The following PALLD variants were observed in gnomAD, a reference collection of about 807,000 sequenced individuals.
The protein encoded by PALLD is palladin, cytoskeletal associated protein.
In PALLD, 61 loss-of-function variants were observed where a neutral mutation model predicts 123.5. The ratio of observed to expected loss-of-function variants is 0.49; its 90% CI spans 0.40 to 0.61. The LOEUF is 0.61. PALLD is among the 20% of genes least tolerant of loss of function. The probability of loss-of-function intolerance (pLI) is 0.00; values close to 1 mark genes in which losing one functional copy is unlikely to be tolerated. For missense variants in PALLD, 1,273 were observed against 1,377.0 expected (o/e 0.92, Z 1.20); for synonymous variants, 465 against 496.4 (o/e 0.94, Z 0.84).
chr4:168,705,729 C>T (rs935329919), intron 8 of PALLD, among the ~76,000 whole-genome samples: 20 of 152,216 alleles, frequency 1.3e-4, no homozygotes, highest in African/African-American at 4.1e-4. Flanking sequence ...CTCTGCCTCC[C>T]GGGTTCAAGC....
chr4:168,538,797 T>G (rs1765329383), intron 2 of PALLD, among the ~76,000 whole-genome samples: 1 of 152,210 alleles, frequency 6.6e-6, no homozygotes, highest in Non-Finnish European at 1.5e-5. Context: ...GCTTAAAAGA[T>G]CAGAAAGGCT....
At chr4:168,853,414 C>T (rs551187741) in intron 10 of PALLD, among the ~76,000 whole-genome samples, 2 of 152,228 alleles carry the variant, frequency 1.3e-5, no homozygotes, top group African/African-American at 4.8e-5. Context: ...CCCTCAAGGG[C>T]CTGGGTGCGT....
At chr4:168,803,684 C>CAA (rs5863961) in intron 10 of PALLD, among the ~76,000 whole-genome samples, 22,995 of 137,346 alleles carry the variant, frequency 0.17, 1,970 homozygotes, top group East Asian at 0.22. Flanking sequence ...GACCCTGTCT[C>CAA]AAAAAAAAAA....
At chr4:168,631,499 G>C (rs1280558935) in intron 2 of PALLD, 25 of 540,038 alleles carry the variant, frequency 4.6e-5, no homozygotes, top group Non-Finnish European at 5.4e-5. Flanking sequence ...ATGGAGTGAA[G>C]GGAGTTATTT....
At chr4:168,615,906 G>A (rs560311240) in intron 2 of PALLD, among the ~76,000 whole-genome samples, 1 of 152,296 alleles carries the variant, frequency 6.6e-6, no homozygotes, top group East Asian at 1.9e-4. Context: ...CCTTCAAGTT[G>A]TAGATGAAAG....
Position 168,894,678 on chromosome 4 carries a change from G to A in PALLD, c.2199+1G>A. The A allele has an allele frequency of 6.2e-7, 1 of 1,612,716 alleles. No homozygotes were observed. Among genetic ancestry groups the A allele is most frequent in the Non-Finnish European group, 8.5e-7 (1 of 1,179,124 alleles). The stretch of plus-strand genomic sequence containing the variant: ...GCCAGAAGAGGAAACAGCTAATCAG[G>A]TACCATGTTGCTCTGGACTTCTTAG... On this transcript the variant is annotated splice_donor_variant, in intron 12 of 21. Coordinates refer to ENST00000505667, the MANE Select transcript of PALLD (RefSeq NM_001166108.2). LOFTEE classifies it high-confidence loss of function.
chr4:168,819,944 C>T (rs2150787405), intron 10 of PALLD, among the ~76,000 whole-genome samples: 1 of 152,344 alleles, frequency 6.6e-6, no homozygotes, highest in South Asian at 2.1e-4. Context: ...CCAGAGCCAA[C>T]TCCTTTGTTG....
In PALLD at chr4:168,712,310, A is replaced by G. The variant is rs1038784423; in HGVS notation, c.1964+387A>G. On this transcript the variant is annotated intron_variant, in intron 10 of 21. Transcript: ENST00000505667. The stretch of plus-strand genomic sequence containing the variant: ...GTACTTTGCATTTGTTACTTTAAAT[A>G]TTAAGTATCAGTAAGAAGATCTGAT... 4.1e-5 allele frequency: 12 copies of G among 296,048 alleles called. No individual in the cohort carries two copies. In the East Asian group the frequency reaches 6.1e-4, roughly 15 times the overall value. 18.3% of individuals were successfully genotyped at this position (296,048 alleles called of 1,614,324 possible).
At chr4:168,617,895 C>G (rs1774383785) in intron 2 of PALLD, among the ~76,000 whole-genome samples, 1 of 151,988 alleles carries the variant, frequency 6.6e-6, no homozygotes, top group Admixed American at 6.5e-5. Flanking sequence ...CACCAGCTAC[C>G]CCAGAACCTG....
At chr4:168,737,166 A>G (rs1787841816) in intron 10 of PALLD, among the ~76,000 whole-genome samples, 1 of 152,244 alleles carries the variant, frequency 6.6e-6, no homozygotes, top group African/African-American at 2.4e-5. Context: ...CCTACAAAAC[A>G]AATAGGGCTA....
At chr4:168,571,172 C>A (rs1424064041) in intron 2 of PALLD, among the ~76,000 whole-genome samples, 1 of 152,116 alleles carries the variant, frequency 6.6e-6, no homozygotes, top group Non-Finnish European at 1.5e-5. Flanking sequence ...TTCAGTTCTC[C>A]TTTCTCCCAG....
chr4:168,540,696 A>T (rs371194564), intron 2 of PALLD, among the ~76,000 whole-genome samples: 188 of 152,196 alleles, frequency 1.2e-3, no homozygotes, highest in African/African-American at 4.2e-3. Flanking sequence ...GAAAATGAAA[A>T]CAATTTTTCT....
intron 3 of PALLD, among the ~76,000 whole-genome samples, chr4:168,680,349 G>A (rs987912062): frequency 2.5e-4 from 38 of 151,200 alleles, no homozygotes; most frequent in African/African-American, 7.3e-4. Context: ...TTAGCAGGGC[G>A]AGGTGGCACA....
chr4:168,902,385 T>C (rs539123698), intron 14 of PALLD, among the ~76,000 whole-genome samples: 8 of 152,334 alleles, frequency 5.3e-5, no homozygotes, highest in South Asian at 4.1e-4. Context: ...GATGTAGCTA[T>C]TAATTCAGCA....
At chr4:168,916,158 A>C in intron 17 of PALLD, 131 bp downstream of exon 17, 1 of 902,150 alleles carries the variant, frequency 1.1e-6, no homozygotes, top group East Asian at 2.4e-5. Flanking sequence ...CACACCTATA[A>C]TCCCAGCACT....
chr4:168,898,314 C>A, intron 13 of PALLD, 179 bp from the exon 14 acceptor site: 1 of 640,040 alleles, frequency 1.6e-6, no homozygotes, highest in Non-Finnish European at 2.8e-6. Flanking sequence ...TGAAATACCA[C>A]ATAAACTCAC....
intron 10 of PALLD, among the ~76,000 whole-genome samples, chr4:168,780,121 A>T (rs376551940): frequency 1.3e-5 from 2 of 151,714 alleles, no homozygotes; most frequent in Non-Finnish European, 2.9e-5. Context: ...CTGGTCTCGA[A>T]CTCCTGACCT....
At chr4:168,664,358 G>A (rs1023854194) in intron 2 of PALLD, among the ~76,000 whole-genome samples, 1 of 152,162 alleles carries the variant, frequency 6.6e-6, no homozygotes, top group African/African-American at 2.4e-5. Flanking sequence ...GAAAAGTTAA[G>A]ACAATGAATG....
At chr4:168,591,339 C>T (rs1020828736) in intron 2 of PALLD, among the ~76,000 whole-genome samples, 14 of 152,268 alleles carry the variant, frequency 9.2e-5, no homozygotes, top group Admixed American at 1.3e-4. Context: ...TATAGTCAGG[C>T]GATGGGTTCA....
Sources: gnomAD v4.1 joint callset for allele counts (sites outside exome capture counted in the v4.1 genomes callset) on GRCh38, gnomAD v4.1.1 for gene constraint, MANE v1.5 for transcripts, NCBI Gene and HGNC (gene_info 2026-07-23, HGNC 2026-07-21) for gene names.